The following ENTREP1 variants were observed in gnomAD, a reference collection of about 807,000 sequenced individuals.
The protein encoded by ENTREP1 is endosomal transmembrane epsin interactor 1, also known as Friedreich ataxia region gene X123.
At chr9:69,358,220 C>T in the ENTREP1 span, among the ~76,000 whole-genome samples, 1 of 152,210 alleles carries the variant, frequency 6.6e-6, no homozygotes, top group Non-Finnish European at 1.5e-5. Context: ...TTGCTGTCTT[C>T]TTTCTTGAGG....
At chr9:69,350,389 G>T in the ENTREP1 span, among the ~76,000 whole-genome samples, 1 of 152,134 alleles carries the variant, frequency 6.6e-6, no homozygotes, top group East Asian at 1.9e-4. Context: ...GATCCTAAGT[G>T]TGAGGTTTAT....
the ENTREP1 span, among the ~76,000 whole-genome samples, chr9:69,370,923 T>C: frequency 6.6e-6 from 1 of 152,242 alleles, no homozygotes; most frequent in Non-Finnish European, 1.5e-5. Flanking sequence ...TTGACTACTA[T>C]CAATTTTTTA....
chr9:69,384,008 G>A, the ENTREP1 span: 4 of 1,610,228 alleles, frequency 2.5e-6, no homozygotes, highest in Non-Finnish European at 2.5e-6. Flanking sequence ...GATCTGGGCT[G>A]CACACAAGTG....
chr9:69,326,553 T>A, the ENTREP1 span, among the ~76,000 whole-genome samples: 1 of 152,052 alleles, frequency 6.6e-6, no homozygotes, highest in African/African-American at 2.4e-5. Context: ...TGCCAGCCAG[T>A]ATCTATGGAC....
At chr9:69,377,641 G>A in the ENTREP1 span, 6 of 1,614,118 alleles carry the variant, frequency 3.7e-6, no homozygotes, top group Non-Finnish European at 4.2e-6. Flanking sequence ...TGAAGAAGCG[G>A]AGGATCATGG....
chr9:69,350,760 A>G, the ENTREP1 span, among the ~76,000 whole-genome samples: 8 of 152,016 alleles, frequency 5.3e-5, no homozygotes, highest in African/African-American at 1.9e-4. Context: ...TGGGTTCAAA[A>G]TAATTTTTCT....
At chr9:69,336,587 G>T in the ENTREP1 span, among the ~76,000 whole-genome samples, 70 of 152,048 alleles carry the variant, frequency 4.6e-4, no homozygotes, top group Non-Finnish European at 6.2e-4. Flanking sequence ...ATAGTGGAGG[G>T]AATAATAATG....
chr9:69,381,831 CA>C, the ENTREP1 span: 19 of 152,162 alleles, frequency 1.2e-4, no homozygotes, highest in African/African-American at 4.6e-4. Flanking sequence ...TGGGCATTAT[CA>C]AAACTACCAT....
At chr9:69,388,169 C>G in the ENTREP1 span, 1 of 1,614,178 alleles carries the variant, frequency 6.2e-7, no homozygotes, top group East Asian at 2.2e-5. Context: ...TGCCCCAGTG[C>G]TCAGCTGTGA....
chr9:69,358,932 C>T, the ENTREP1 span, among the ~76,000 whole-genome samples: 4 of 101,842 alleles, frequency 3.9e-5, no homozygotes, highest in East Asian at 9.0e-4. Context: ...GAGACGGAGT[C>T]TTACCCTGTC....
At chr9:69,368,413 G>A in the ENTREP1 span, among the ~76,000 whole-genome samples, 1 of 152,074 alleles carries the variant, frequency 6.6e-6, no homozygotes, top group Admixed American at 6.6e-5. Context: ...TGATGATCAT[G>A]TGCTTTTTGT....
At chr9:69,354,550 G>A in the ENTREP1 span, among the ~76,000 whole-genome samples, 2 of 152,142 alleles carry the variant, frequency 1.3e-5, no homozygotes, top group African/African-American at 2.4e-5. Context: ...GAGCCACTGC[G>A]CCTGGCCCAT....
the ENTREP1 span, chr9:69,391,513 G>T: frequency 9.4e-7 from 1 of 1,064,350 alleles, no homozygotes; most frequent in Non-Finnish European, 1.4e-6. Flanking sequence ...TACACATTAA[G>T]ATAGGTGGAT....
chr9:69,362,758 C>T, the ENTREP1 span, among the ~76,000 whole-genome samples: 1 of 152,090 alleles, frequency 6.6e-6, no homozygotes, highest in South Asian at 2.1e-4. Context: ...ACCATCTAAT[C>T]GCTGCCAACG....
chr9:69,353,535 A>G, the ENTREP1 span, among the ~76,000 whole-genome samples: 3 of 152,236 alleles, frequency 2.0e-5, no homozygotes, highest in African/African-American at 7.2e-5. Flanking sequence ...TCACCATAAT[A>G]ACATGATCAT....
At chr9:69,385,848 A>G in the ENTREP1 span, 1 of 1,602,432 alleles carries the variant, frequency 6.2e-7, no homozygotes, top group East Asian at 2.3e-5. Flanking sequence ...CTCAACTCCC[A>G]GTTCAACCCT....
chr9:69,353,542 T>A, the ENTREP1 span, among the ~76,000 whole-genome samples: 1 of 152,246 alleles, frequency 6.6e-6, no homozygotes, highest in Non-Finnish European at 1.5e-5. Context: ...AATAACATGA[T>A]CATGCTTAAG....
At chr9:69,371,679 T>C in the ENTREP1 span, 1 of 1,015,352 alleles carries the variant, frequency 9.8e-7, no homozygotes, top group African/African-American at 1.6e-5. Context: ...TGGCGAGACT[T>C]GCAACATTCA....
At chr9:69,343,306 A>C in the ENTREP1 span, among the ~76,000 whole-genome samples, 112 of 152,340 alleles carry the variant, frequency 7.4e-4, no homozygotes, top group African/African-American at 2.5e-3. Flanking sequence ...ACCACTGTGG[A>C]TTCCTTGAAA....
Sources: allele counts gnomAD v4.1 joint callset (sites outside exome capture counted in the v4.1 genomes callset), GRCh38; gene constraint gnomAD v4.1.1; transcripts MANE v1.5; gene names NCBI Gene and HGNC (gene_info 2026-07-23, HGNC 2026-07-21).